The following TIA1 variants were observed in gnomAD, a reference collection of about 807,000 sequenced individuals.
TIA1 encodes cytotoxic granule associated RNA binding protein TIA1.
Under a neutral mutation model 65.9 loss-of-function variants are expected in TIA1, and 23 were observed. The observed-to-expected ratio is 0.35, with a 90% CI of 0.25 to 0.49. The LOEUF is 0.49. Among genes scored for constraint, TIA1 ranks in the 20% least tolerant of loss-of-function variants. The pLI is 0.98. For synonymous variants in TIA1, 147 were observed against 149.4 expected (o/e 0.98, Z 0.12); for missense variants, 371 against 477.9 (o/e 0.78, Z 2.09).
chr2:70,223,115 T>C (rs779352960), intron 7 of TIA1, among the ~76,000 whole-genome samples: 3 of 152,240 alleles, frequency 2.0e-5, no homozygotes, highest in African/African-American at 2.4e-5. Flanking sequence ...ATCTCGAAAA[T>C]GTGAAAAATG....
intron 2 of TIA1, among the ~76,000 whole-genome samples, chr2:70,234,758 C>T (rs1022731031): frequency 3.3e-5 from 5 of 152,126 alleles, no homozygotes; most frequent in African/African-American, 1.2e-4. Flanking sequence ...GACGGGGTTT[C>T]GCCATGTTGG....
chr2:70,230,746 G>C lies in TIA1; in HGVS notation c.222+10C>G. 2 of 1,570,584 alleles carry C rather than the reference G, an allele frequency of 1.3e-6. No homozygotes were observed. The highest frequency in any genetic ancestry group is 1.7e-6 in the Non-Finnish European group (2 of 1,161,908). On this transcript the variant is annotated intron_variant, in intron 3 of 12. Coordinates refer to ENST00000433529, the MANE Select transcript of TIA1 (RefSeq NM_022173.4). ...AGTGCAAGTCACCTTCTTTAATTAC[G>C]ACAGCTTACCTTACCCATTATCTTC... is the stretch of plus-strand genomic sequence containing the variant.
chr2:70,248,667 G>C (rs548255398), upstream of TIA1: 1 of 594,322 alleles, frequency 1.7e-6, no homozygotes, highest in African/African-American at 1.9e-5. Flanking sequence ...AGTTACCCGG[G>C]CCGCGCAGGC....
At chr2:70,245,713 C>G (rs1693987298) in intron 1 of TIA1, among the ~76,000 whole-genome samples, 1 of 152,090 alleles carries the variant, frequency 6.6e-6, no homozygotes, top group South Asian at 2.1e-4. Flanking sequence ...AAGTTTGTCT[C>G]AGAATATGAT....
upstream of TIA1, chr2:70,248,710 C>A (rs1695648499): frequency 5.8e-6 from 3 of 520,678 alleles, no homozygotes; most frequent in East Asian, 6.2e-5. Flanking sequence ...ACCTCCGGGC[C>A]GCCCGGCTAC....
chr2:70,215,526 C>T (rs558859270), intron 10 of TIA1, 32 bp from the exon 11 acceptor site: 1 of 1,567,194 alleles, frequency 6.4e-7, no homozygotes, highest in Non-Finnish European at 8.7e-7. Flanking sequence ...ATCACCAATA[C>T]AAATTCTTTT....
intron 1 of TIA1, among the ~76,000 whole-genome samples, chr2:70,242,163 C>T (rs143204562): frequency 6.6e-5 from 10 of 152,076 alleles, no homozygotes; most frequent in Admixed American, 1.3e-4. Context: ...AACCCTCCCC[C>T]GCAAAAAACA....
At chr2:70,242,358 T>G (rs1692213742) in intron 1 of TIA1, among the ~76,000 whole-genome samples, 2 of 151,606 alleles carry the variant, frequency 1.3e-5, no homozygotes, top group South Asian at 4.2e-4. Flanking sequence ...ATGTTGAAAC[T>G]TGCCTCTACT....
rs2103907507 is a variant in TIA1 at position 70,215,472 on chromosome 2, C to A, written c.787G>T (p.Ala263Ser). 6.2e-7 allele frequency: 1 copy of A among 1,613,492 alleles called. No individual in the cohort carries two copies. Among genetic ancestry groups the A allele is most frequent in the Non-Finnish European group, 8.5e-7 (1 of 1,179,598 alleles). Residue 263 changes from alanine to serine, a missense_variant, in exon 11 of 13, where the codon GCA (alanine) becomes TCA (serine). Physicochemically the swap from Ala to Ser is moderately conservative, Grantham distance 99. Coordinates refer to ENST00000433529, the MANE Select transcript of TIA1 (RefSeq NM_022173.4). Reference protein sequence around the residue: ...FVRFNSHESAAHAIVSVNGTT... With the variant: ...FVRFNSHESASHAIVSVNGTT... ...CCATTAACAGAAACAATTGCATGTG[C>A]TGCACTTTCATGGGAATTGAACCTA... is the stretch of plus-strand genomic sequence containing the variant.
In TIA1 at chr2:70,212,796, G is replaced by A. The variant is rs1427575965; in HGVS notation, c.1084C>T (p.Pro362Ser). ...ATGCTGCCATTTTGCCCTTGAGGCG[G>A]TTGCACTCCATAATTTGGTCCCATC... is the stretch of plus-strand genomic sequence containing the variant. ...PWMGPNYGVQ[P>S]PQGQNGSMLP... The change falls in exon 13 of 13, where the codon CCG (proline) becomes TCG (serine). Residue 362 changes from proline to serine, a missense_variant. Transcript: ENST00000433529. The A allele has an allele frequency of 1.2e-6, 2 of 1,614,158 alleles. No individual in the cohort carries two copies. Among genetic ancestry groups the A allele is most frequent in the Admixed American group, 3.3e-5 (2 of 60,034 alleles).
At chr2:70,216,649 C>T in intron 8 of TIA1, 150 bp from the exon 9 acceptor site, 1 of 1,342,444 alleles carries the variant, frequency 7.4e-7, no homozygotes, top group Non-Finnish European at 1.0e-6. Flanking sequence ...AGAATTAAAC[C>T]TCCCCCACGA....
At chr2:70,220,546 A>G (rs1680820481) in intron 7 of TIA1, among the ~76,000 whole-genome samples, 10 of 152,232 alleles carry the variant, frequency 6.6e-5, no homozygotes, top group Admixed American at 6.5e-4. Context: ...GCTTGGAAGA[A>G]GCAACAAAGG....
At chr2:70,221,246 CTGCT>C (rs1474481812) in intron 7 of TIA1, among the ~76,000 whole-genome samples, 1 of 151,912 alleles carries the variant, frequency 6.6e-6, no homozygotes, top group East Asian at 1.9e-4. Flanking sequence ...ACCTCATGAT[CTGCT>C]TGCCTCGGCC....
intron 2 of TIA1, among the ~76,000 whole-genome samples, chr2:70,234,543 G>A (rs1327078553): frequency 2.0e-4 from 31 of 152,142 alleles, no homozygotes; most frequent in Non-Finnish European, 2.9e-5. Context: ...TAAGATCTAA[G>A]ACAACAAATC....
At chr2:70,224,982 A>C in intron 6 of TIA1, 1 of 1,025,014 alleles carries the variant, frequency 9.8e-7, no homozygotes, top group Non-Finnish European at 1.2e-6. Flanking sequence ...GCTTTCTTTA[A>C]CCATGCAATT....
intron 5 of TIA1, chr2:70,228,429 A>C: frequency 7.8e-7 from 1 of 1,287,236 alleles, no homozygotes; most frequent in Non-Finnish European, 1.0e-6. Flanking sequence ...TACACCATTC[A>C]GTTTATGTGA....
At chr2:70,241,624 G>A (rs1431914561) in intron 1 of TIA1, among the ~76,000 whole-genome samples, 2 of 152,068 alleles carry the variant, frequency 1.3e-5, no homozygotes, top group East Asian at 3.9e-4. Context: ...GGTGATTTTG[G>A]AGAACAGGAG....
chr2:70,234,102 C>T lies in TIA1; in HGVS notation c.123+1977G>A, dbSNP rs146280266. ...ATCTTTCCCCAGGGAAACATATGAC[C>T]AGCCAGAGAGAGAGTAGCAGCAGGC... On this transcript the variant is annotated intron_variant, in intron 2 of 12. Transcript: ENST00000433529. 1.8e-3 allele frequency among the ~76,000 whole-genome samples: 276 copies of T among 152,264 alleles called. 1 individual carries two copies. Among genetic ancestry groups the T allele is most frequent in the Non-Finnish European group, 3.1e-3 (213 of 68,012 alleles).
chr2:70,221,030 G>A (rs144449432), intron 7 of TIA1, among the ~76,000 whole-genome samples: 1,757 of 151,850 alleles, frequency 0.012, 39 homozygotes, highest in African/African-American at 0.04. Flanking sequence ...TTTTTGAGAC[G>A]GAGTCTCACT....
Sources: gnomAD v4.1 joint callset for allele counts (sites outside exome capture counted in the v4.1 genomes callset) on GRCh38, gnomAD v4.1.1 for gene constraint, MANE v1.5 for transcripts, NCBI Gene and HGNC (gene_info 2026-07-23, HGNC 2026-07-21) for gene names.